Variants in PRKCQ observed in about 807,000 individuals in gnomAD.
PRKCQ encodes protein kinase C theta, also known as protein kinase C theta type.
A neutral mutation model predicts 91.2 loss-of-function variants in PRKCQ; 41 were observed. That is an observed-to-expected ratio of 0.45 (90% confidence interval 0.35 to 0.58). The LOEUF (loss-of-function observed/expected upper bound fraction) is 0.58, where lower values mean the gene tolerates loss of function less well. PRKCQ is among the 20% of genes least tolerant of loss of function. PRKCQ has a pLI of 0.00. For missense variants in PRKCQ, 673 were observed against 896.5 expected (o/e 0.75, Z 3.18); for synonymous variants, 307 against 316.9 (o/e 0.97, Z 0.33).
At chr10:6,490,159 G>T (rs1188204927) in intron 8 of PRKCQ, among the ~76,000 whole-genome samples, 1 of 152,140 alleles carries the variant, frequency 6.6e-6, no homozygotes, top group African/African-American at 2.4e-5. Flanking sequence ...ACGGATTCTT[G>T]AGGCTAATGT....
intron 12 of PRKCQ, among the ~76,000 whole-genome samples, chr10:6,477,374 G>A (rs1836325003): frequency 6.6e-6 from 1 of 152,174 alleles, no homozygotes; most frequent in African/African-American, 2.4e-5. Flanking sequence ...TTTATCTTAG[G>A]TAAGTGCATT....
chr10:6,538,624 C>T (rs556362504), intron 1 of PRKCQ, among the ~76,000 whole-genome samples: 7 of 152,176 alleles, frequency 4.6e-5, no homozygotes, highest in South Asian at 2.1e-4. Flanking sequence ...GTCACATTGA[C>T]GTCACCAAAG....
At chr10:6,529,466 A>G (rs1035964272) in intron 1 of PRKCQ, among the ~76,000 whole-genome samples, 1 of 151,990 alleles carries the variant, frequency 6.6e-6, no homozygotes, top group African/African-American at 2.4e-5. Context: ...AGAGCACACC[A>G]CCCAAAACAG....
At chr10:6,416,575 G>C in the PRKCQ span, among the ~76,000 whole-genome samples, 1 of 152,126 alleles carries the variant, frequency 6.6e-6, no homozygotes, top group Admixed American at 6.5e-5. Flanking sequence ...AGTGTGCTAT[G>C]GTGTATATAG....
At chr10:6,532,512 T>C (rs1355135545) in intron 1 of PRKCQ, among the ~76,000 whole-genome samples, 3 of 151,938 alleles carry the variant, frequency 2.0e-5, no homozygotes, top group Non-Finnish European at 4.4e-5. Flanking sequence ...TCTACAGTCA[T>C]CCCACCCCGA....
the PRKCQ span, among the ~76,000 whole-genome samples, chr10:6,421,248 G>T: frequency 6.6e-6 from 1 of 152,176 alleles, no homozygotes; most frequent in African/African-American, 2.4e-5. The surrounding 1 kb of genome is among the most constrained non-coding windows in gnomAD (Gnocchi z 4.1). Context: ...ACTTTGGAAG[G>T]CTAAGGGGGA....
intron 15 of PRKCQ, among the ~76,000 whole-genome samples, chr10:6,444,899 G>A (rs1293789412): frequency 6.6e-6 from 1 of 152,014 alleles, no homozygotes. Flanking sequence ...TGAGGCGGGT[G>A]GATCACCCGA....
chr10:6,515,503 G>A, intron 1 of PRKCQ: 1 of 985,276 alleles, frequency 1.0e-6, no homozygotes, highest in Non-Finnish European at 1.2e-6. Context: ...TAGGTGCCCA[G>A]GAAACAGCAC....
At chr10:6,453,678 C>T (rs900254923) in intron 15 of PRKCQ, among the ~76,000 whole-genome samples, 2 of 152,024 alleles carry the variant, frequency 1.3e-5, no homozygotes, top group African/African-American at 4.8e-5. Flanking sequence ...CCCAAATGTC[C>T]AAAAATGATA....
the PRKCQ span, among the ~76,000 whole-genome samples, chr10:6,395,363 C>T: frequency 2.0e-5 from 3 of 152,014 alleles, no homozygotes; most frequent in African/African-American, 4.8e-5. Context: ...CGCGCCCGGC[C>T]GGCTGGAGTT....
At chr10:6,404,611 C>A in the PRKCQ span, among the ~76,000 whole-genome samples, 1 of 137,004 alleles carries the variant, frequency 7.3e-6, no homozygotes, top group African/African-American at 2.7e-5. Flanking sequence ...CTCTTTCTCT[C>A]TTTCTTTCTC....
chr10:6,483,656 G>A, intron 10 of PRKCQ, 56 bp from the exon 11 acceptor site: 1 of 1,582,038 alleles, frequency 6.3e-7, no homozygotes, highest in Non-Finnish European at 8.6e-7. Context: ...GGTCATTCTA[G>A]TTACTGAGAG....
intron 15 of PRKCQ, among the ~76,000 whole-genome samples, chr10:6,448,679 T>C (rs1014105825): frequency 6.6e-6 from 1 of 152,158 alleles, no homozygotes; most frequent in Non-Finnish European, 1.5e-5. Flanking sequence ...AGTGCTGGGA[T>C]TACAGGTGTG....
intron 1 of PRKCQ, among the ~76,000 whole-genome samples, chr10:6,521,508 G>A (rs1024396944): frequency 6.6e-6 from 1 of 152,186 alleles, no homozygotes. Context: ...AAAGAGCCAT[G>A]AGGATTAAAT....
chr10:6,428,597 G>A (rs756914822), intron 17 of PRKCQ, among the ~76,000 whole-genome samples: 25 of 152,048 alleles, frequency 1.6e-4, no homozygotes, highest in Non-Finnish European at 3.4e-4. Context: ...GAAAGACTAC[G>A]ACTGTAGACA....
chr10:6,409,295 TTTTA>T, the PRKCQ span, among the ~76,000 whole-genome samples: 1 of 152,184 alleles, frequency 6.6e-6, no homozygotes, highest in Non-Finnish European at 1.5e-5. Flanking sequence ...TTTTAGTTTA[TTTTA>T]TTTATTTATT....
At chr10:6,432,503 T>C (rs1278761090) in intron 16 of PRKCQ, among the ~76,000 whole-genome samples, 2 of 152,134 alleles carry the variant, frequency 1.3e-5, no homozygotes, top group Admixed American at 6.5e-5. Context: ...CCCCTTACCA[T>C]ATGGGGACTG....
chr10:6,543,945 A>G (rs1482347947), intron 1 of PRKCQ, among the ~76,000 whole-genome samples: 1 of 152,162 alleles, frequency 6.6e-6, no homozygotes, highest in Non-Finnish European at 1.5e-5. Context: ...AAGGAAAGAC[A>G]TGACCTCCAA....
chr10:6,426,166 T>G (rs1010704629), downstream of PRKCQ, among the ~76,000 whole-genome samples: 2 of 151,368 alleles, frequency 1.3e-5, no homozygotes, highest in Non-Finnish European at 3.0e-5. Context: ...GGACTTTAGA[T>G]AGCGTCTTCA....
Sources: gnomAD v4.1 joint callset for allele counts (sites outside exome capture counted in the v4.1 genomes callset) on GRCh38, gnomAD v4.1.1 for gene constraint, Gnocchi (gnomAD v3.1) non-coding constraint, MANE v1.5 for transcripts, NCBI Gene and HGNC (gene_info 2026-07-23, HGNC 2026-07-21) for gene names.